COL19A1: variants seen among roughly 807,000 people sequenced by gnomAD.
COL19A1 encodes collagen alpha-1(XIX) chain.
A neutral mutation model predicts 190.2 loss-of-function variants in COL19A1; 159 were observed. That is an observed-to-expected ratio of 0.84 (90% CI 0.73 to 0.95). The LOEUF (loss-of-function observed/expected upper bound fraction) is 0.95, where lower values mean the gene tolerates loss of function less well. Ranked by LOEUF, COL19A1 falls within the 40% of genes least tolerant of loss-of-function variation. The pLI is 0.00. For synonymous variants in COL19A1, 509 were observed against 458.9 expected, an observed-to-expected ratio of 1.11 and a Z score of -1.39; for missense variants, 1,418 against 1,431.9, an observed-to-expected ratio of 0.99 and a Z score of 0.16.
At chr6:70,054,842 T>A (rs1201485340) in intron 14 of COL19A1, among the ~76,000 whole-genome samples, 2 of 152,062 alleles carry the variant, frequency 1.3e-5, no homozygotes, top group African/African-American at 4.8e-5. Flanking sequence ...AAAGAAAACA[T>A]AAGAATTTTA....
intron 37 of COL19A1, among the ~76,000 whole-genome samples, chr6:70,167,713 A>G (rs1275273993): frequency 6.6e-6 from 1 of 152,212 alleles, no homozygotes; most frequent in East Asian, 1.9e-4. Context: ...CTGAATTTTA[A>G]TGAGCAAATA....
chr6:69,937,049 T>C, intron 8 of COL19A1, 139 bp downstream of exon 8: 1 of 1,202,682 alleles, frequency 8.3e-7, no homozygotes, highest in Non-Finnish European at 1.2e-6. Context: ...TGGGGTGGGT[T>C]AAGAAAAAGG....
intron 9 of COL19A1, among the ~76,000 whole-genome samples, chr6:69,959,079 C>T (rs1774608527): frequency 6.6e-6 from 1 of 152,114 alleles, no homozygotes; most frequent in Non-Finnish European, 1.5e-5. Context: ...CAGGAAAATT[C>T]CTAAAACTCT....
chr6:70,070,437 A>G (rs1355177397), intron 15 of COL19A1, among the ~76,000 whole-genome samples: 1 of 152,114 alleles, frequency 6.6e-6, no homozygotes, highest in African/African-American at 2.4e-5. Context: ...TAAAAAATGT[A>G]ATAGAACTTA....
intron 17 of COL19A1, among the ~76,000 whole-genome samples, chr6:70,127,767 A>G (rs1444545808): frequency 7.3e-6 from 1 of 137,052 alleles, no homozygotes. Context: ...ATTCACTATC[A>G]TGAGAATAGC....
chr6:70,079,055 GACTC>G (rs1782074622), intron 15 of COL19A1, among the ~76,000 whole-genome samples: 1 of 152,098 alleles, frequency 6.6e-6, no homozygotes, highest in Non-Finnish European at 1.5e-5. Context: ...CGACAAAGGA[GACTC>G]TATCTCAAAG....
At chr6:70,055,875 G>A (rs1780475606) in intron 14 of COL19A1, among the ~76,000 whole-genome samples, 1 of 149,402 alleles carries the variant, frequency 6.7e-6, no homozygotes, top group Non-Finnish European at 1.5e-5. Context: ...TTCTTGAATA[G>A]TTTGTCGTTT....
At chr6:70,037,639 C>T (rs769817896) in intron 14 of COL19A1, among the ~76,000 whole-genome samples, 17 of 152,162 alleles carry the variant, frequency 1.1e-4, no homozygotes, top group Non-Finnish European at 1.9e-4. Flanking sequence ...TATTCAACTA[C>T]TCAGTTATCT....
chr6:70,196,768 A>G (rs1368710354), intron 48 of COL19A1, among the ~76,000 whole-genome samples: 1 of 152,234 alleles, frequency 6.6e-6, no homozygotes, highest in African/African-American at 2.4e-5. Context: ...CTCATTAGAA[A>G]GCATAGCCAA....
At chr6:69,999,628 A>G (rs1014851273) in intron 11 of COL19A1, among the ~76,000 whole-genome samples, 7 of 152,198 alleles carry the variant, frequency 4.6e-5, no homozygotes, top group African/African-American at 1.7e-4. Flanking sequence ...AAGGGATGGA[A>G]TGAAGAAATA....
At chr6:70,146,949 C>G (rs1361806212) in intron 27 of COL19A1, 60 bp downstream of exon 27, 11 of 1,395,964 alleles carry the variant, frequency 7.9e-6, no homozygotes, top group Admixed American at 2.5e-5. Context: ...AATCCAGTGT[C>G]AAATTTTAAC....
Position 70,212,020 on chromosome 6 carries a change from G to A in COL19A1, c.*4746G>A, listed in dbSNP as rs889789082. 6.6e-6 allele frequency among the ~76,000 whole-genome samples: 1 copy of A among 152,236 alleles called. No homozygotes were observed. Among genetic ancestry groups the A allele is most frequent in the Non-Finnish European group, 1.5e-5 (1 of 68,012 alleles). ...AAAGTGAATACTAATAAAGTGGGAG[G>A]CTTCACTAAATGAGGGGGTAAATAA... On this transcript the variant is annotated 3_prime_UTR_variant, in exon 51 of 51. Coordinates refer to ENST00000620364, the MANE Select transcript of COL19A1 (RefSeq NM_001858.6).
intron 16 of COL19A1, among the ~76,000 whole-genome samples, chr6:70,119,982 T>C (rs1461884548): frequency 1.3e-5 from 2 of 152,106 alleles, no homozygotes; most frequent in African/African-American, 4.8e-5. Context: ...TCCCAGCTAC[T>C]CAGGAGACTA....
At chr6:69,996,938 G>GTGTATA (rs1554186344) in intron 11 of COL19A1, among the ~76,000 whole-genome samples, 2 of 143,352 alleles carry the variant, frequency 1.4e-5, no homozygotes, top group East Asian at 2.0e-4. Context: ...GTGTGTGTGT[G>GTGTATA]TATATATATG....
At chr6:70,179,362 G>A (rs1766022105) in intron 42 of COL19A1, among the ~76,000 whole-genome samples, 1 of 152,180 alleles carries the variant, frequency 6.6e-6, no homozygotes, top group Non-Finnish European at 1.5e-5. Context: ...AGGGACAGGA[G>A]GTGGTTCCTT....
In COL19A1 at chr6:70,075,935, T is replaced by C. The variant is rs1030295011; in HGVS notation, c.1224+7459T>C. On this transcript the variant is annotated intron_variant, in intron 15 of 50. Transcript: ENST00000620364. ...AACATAATAAGTTTTCTCTTTTATA[T>C]GGATTAGTAAAGGAAAAATGTTTTG... is the stretch of plus-strand genomic sequence containing the variant. 2.0e-5 allele frequency among the ~76,000 whole-genome samples: 3 copies of C among 152,220 alleles called. No individual in the cohort carries two copies. The South Asian group carries it at 6.2e-4, about 31-fold the overall frequency.
rs753339843 is a variant in COL19A1 at position 69,929,540 on chromosome 6, G to A, written c.506G>A (p.Arg169His). 3.7e-5 allele frequency: 60 copies of A among 1,613,844 alleles called. No individual in the cohort carries two copies. The highest frequency in any genetic ancestry group is 1.6e-4 in the Middle Eastern group (1 of 6,084). ...RNRELRPLFD[R>H]QWHKLGISIQ... ...CGAGAACTCCGTCCTTTGTTTGATC[G>A]TCAGTGGCACAAACTTGGCATTAGT... is the stretch of plus-strand genomic sequence containing the variant. The change falls in exon 6 of 51, where the codon CGT becomes CAT. Residue 169 changes from arginine to histidine, a missense_variant. Transcript: ENST00000620364.
At chr6:69,871,122 T>C (rs117015028) in intron 1 of COL19A1, among the ~76,000 whole-genome samples, 3,456 of 152,296 alleles carry the variant, frequency 0.023, 59 homozygotes, top group Non-Finnish European at 0.032. Flanking sequence ...TAAGGAATAA[T>C]GCTAGACCTA....
chr6:70,188,362 G>T (rs571601172), intron 47 of COL19A1, 117 bp downstream of exon 47: 1 of 1,213,808 alleles, frequency 8.2e-7, no homozygotes, highest in Non-Finnish European at 1.1e-6. Flanking sequence ...ACTGGTCCCC[G>T]TGAGGGCAAT....
Sources: gnomAD v4.1 joint callset for allele counts (sites outside exome capture counted in the v4.1 genomes callset) on GRCh38, gnomAD v4.1.1 for gene constraint, MANE v1.5 for transcripts, NCBI Gene and HGNC (gene_info 2026-07-23, HGNC 2026-07-21) for gene names.